Variants in DMD observed in about 807,000 individuals in gnomAD.
The protein encoded by DMD is dystrophin.
Under a neutral mutation model 330.1 loss-of-function variants are expected in DMD, and 63 were observed. The ratio of observed to expected loss-of-function variants is 0.19; its 90% CI spans 0.16 to 0.24. The LOEUF (loss-of-function observed/expected upper bound fraction) is 0.24. Ranked by LOEUF, DMD falls within the 10% of genes least tolerant of loss-of-function variation. DMD has a pLI of 1.00. For synonymous variants in DMD, 1,223 were observed against 959.8 expected, an observed-to-expected ratio of 1.27 and a Z score of -5.07; for missense variants, 3,344 against 2,684.1, an observed-to-expected ratio of 1.25 and a Z score of -5.43.
rs187746090 is a variant in DMD, at chrX:32,196,712, A to G, written c.6438+20204T>C. Among the ~76,000 whole-genome samples, 803 of 111,023 alleles carry G rather than the reference A, an allele frequency of 7.2e-3. 3 individuals carry two copies. Among genetic ancestry groups the G allele is most frequent in the African/African-American group, 0.022 (666 of 30,560 alleles). On this transcript the variant is annotated intron_variant, in intron 44 of 78. Coordinates refer to ENST00000357033, the MANE Select transcript of DMD (RefSeq NM_004006.3). ...GATAAAACAAGACAGGTGGCCTGGC[A>G]CGGTGGCTCACGCCTGTAATCCCAG...
chrX:32,876,975 C>T (rs1041400807), intron 2 of DMD, among the ~76,000 whole-genome samples: 5 of 112,060 alleles, frequency 4.5e-5, no homozygotes, highest in Non-Finnish European at 5.6e-5. Context: ...AATACCATTG[C>T]CAATTAAAAT....
At chrX:33,327,210 G>C (rs1236055105) in intron 1 of DMD, among the ~76,000 whole-genome samples, 1 of 111,560 alleles carries the variant, frequency 9.0e-6, no homozygotes, top group Non-Finnish European at 1.9e-5. Flanking sequence ...AAGTACTATT[G>C]AGTATCTACT....
At chrX:32,292,702 A>C (rs2097478363) in intron 42 of DMD, among the ~76,000 whole-genome samples, 1 of 112,026 alleles carries the variant, frequency 8.9e-6, no homozygotes, top group Non-Finnish European at 1.9e-5. Context: ...GCTCTGAAGA[A>C]AACTTCACAA....
intron 7 of DMD, among the ~76,000 whole-genome samples, chrX:32,772,514 T>C (rs960380109): frequency 8.9e-6 from 1 of 112,460 alleles, no homozygotes; most frequent in African/African-American, 3.2e-5. Context: ...ATGAGGAAAC[T>C]GACGAACTAA....
chrX:32,690,007 G>C (rs1459458302), intron 9 of DMD, among the ~76,000 whole-genome samples: 1 of 109,997 alleles, frequency 9.1e-6, no homozygotes, highest in Non-Finnish European at 1.9e-5. Context: ...AACAAGGTAA[G>C]TATGCCCATT....
rs542946209 is a variant in DMD, at chrX:32,645,657, T to C, written c.961-505A>G. On this transcript the variant is annotated intron_variant, in intron 9 of 78. Transcript: ENST00000357033. ...AGGTAGGGGAAAGGAAGGCAAAATT[T>C]AGAAAGAAAAAAAATACCTCACCCA... is the stretch of plus-strand genomic sequence containing the variant. Among the ~76,000 whole-genome samples, 308 of 111,107 alleles carry C rather than the reference T, an allele frequency of 2.8e-3. 2 individuals are homozygous for C. The highest frequency in any genetic ancestry group is 8.6e-3 in the African/African-American group (264 of 30,598).
At chrX:31,401,532 T>C (rs58502991) in intron 60 of DMD, among the ~76,000 whole-genome samples, 11,005 of 111,131 alleles carry the variant, frequency 0.099, 592 homozygotes, top group East Asian at 0.39. Flanking sequence ...ATAAATGATC[T>C]CATTTAATTC....
chrX:33,060,837 CAAAAAAA>C (rs5902049), intron 1 of DMD, among the ~76,000 whole-genome samples: 1 of 62,945 alleles, frequency 1.6e-5, no homozygotes, highest in African/African-American at 5.3e-5. Context: ...AACTTCATTT[CAAAAAAA>C]AAAAAAAAAA....
intron 26 of DMD, among the ~76,000 whole-genome samples, chrX:32,453,870 C>T (rs1212123793): frequency 9.0e-6 from 1 of 111,088 alleles, no homozygotes; most frequent in Admixed American, 9.6e-5. Flanking sequence ...AAGTCATTCT[C>T]TAAGTTCTTG....
rs369163531 is a variant in DMD, at chrX:33,259,341, T to C, written c.7+79918A>G. On this transcript the variant is annotated intron_variant, in intron 1 of 17. Transcript: ENST00000288447. ...TTGATACAATGTCAGCCAAAGTCCA[T>C]AGATTACATTAGGTTTCACTCAGTG... Among the ~76,000 whole-genome samples, 4 of 109,922 alleles carry C rather than the reference T, an allele frequency of 3.6e-5. No homozygotes were observed. In the East Asian group the frequency reaches 1.2e-3, roughly 32 times the overall value.
At chrX:32,038,235 C>T (rs2095967121) in intron 44 of DMD, among the ~76,000 whole-genome samples, 1 of 111,766 alleles carries the variant, frequency 8.9e-6, no homozygotes, top group Non-Finnish European at 1.9e-5. Context: ...GATCTATCGA[C>T]TGCCTTAAGC....
intron 41 of DMD, among the ~76,000 whole-genome samples, chrX:32,312,052 C>T (rs1457451274): frequency 9.0e-6 from 1 of 111,658 alleles, no homozygotes; most frequent in Non-Finnish European, 1.9e-5. Flanking sequence ...GCAATTAAAT[C>T]TGCCTTTAAT....
At chrX:32,292,769 A>G (rs2148486843) in intron 42 of DMD, among the ~76,000 whole-genome samples, 1 of 112,145 alleles carries the variant, frequency 8.9e-6, no homozygotes, top group East Asian at 2.8e-4. Flanking sequence ...TTTCTGCCTT[A>G]TTCTAAGATT....
At chrX:32,916,532 G>A (rs2087822435) in intron 2 of DMD, among the ~76,000 whole-genome samples, 1 of 111,416 alleles carries the variant, frequency 9.0e-6, no homozygotes, top group Admixed American at 9.6e-5. Flanking sequence ...TACCATAAAT[G>A]AGTAAGAACA....
chrX:31,121,198 TTATCTATA>T lies in DMD; in HGVS notation c.*713_*720del, dbSNP rs1361503086. ...TCAGTCTATAGAAATTCGTATCTCT[TTATCTATA>T]TAACTATAGTATTTATATACTTATA... is the stretch of plus-strand genomic sequence containing the variant. On this transcript the variant is annotated 3_prime_UTR_variant, in exon 79 of 79. Transcript: ENST00000357033. The T allele has an allele frequency of 4.5e-5, 5 of 111,801 alleles. No homozygotes were observed. In the East Asian group the frequency reaches 1.4e-3, roughly 31 times the overall value. 9.2% of individuals were successfully genotyped at this position (111,801 alleles called of 1,213,427 possible). A position where few individuals can be genotyped will look rare whatever the true frequency, so the allele number is the denominator to read the frequency against.
At chrX:31,442,545 TAA>T (rs5901985) in intron 60 of DMD, among the ~76,000 whole-genome samples, 11,469 of 102,133 alleles carry the variant, frequency 0.11, 562 homozygotes, top group East Asian at 0.3. Context: ...TAGCATTGAT[TAA>T]AAAAAAAAAA....
intron 37 of DMD, among the ~76,000 whole-genome samples, chrX:32,352,007 G>C (rs918129874): frequency 7.2e-5 from 8 of 110,845 alleles, no homozygotes; most frequent in Non-Finnish European, 1.5e-4. Context: ...AAAAAAATTA[G>C]GAAGATTAAG....
rs780028344 is a variant in DMD at position 33,123,725 on chromosome X, G to GTT, written c.31+87555_31+87556dup. ...GAGCCACCACGCCCGGTTCAAATGA[G>GTT]TTTTTTTTTTTTTTTTTCAGTCCAA... On this transcript the variant is annotated intron_variant, in intron 1 of 78. Transcript: ENST00000357033. 5.0e-3 allele frequency among the ~76,000 whole-genome samples: 433 copies of GTT among 85,830 alleles called. 3 individuals are homozygous for GTT. Among genetic ancestry groups the GTT allele is most frequent in the African/African-American group, 0.014 (351 of 24,345 alleles). 74.5% of individuals were successfully genotyped at this position (85,830 alleles called of 115,157 possible).
At position 32,297,089 on chromosome X, in the gene DMD, T is replaced by A. The variant is rs555883281; in HGVS notation, c.6118-9388A>T. On this transcript the variant is annotated intron_variant, in intron 42 of 78. Transcript: ENST00000357033. The stretch of plus-strand genomic sequence containing the variant: ...AGGATTCAGTACAGTTAGGCACAGT[T>A]TTCATCATACAGACCTAGCCACACT... Among the ~76,000 whole-genome samples, 26 of 110,703 alleles carry A rather than the reference T, an allele frequency of 2.3e-4. No individual in the cohort carries two copies. The South Asian group carries it at 0.01, about 43-fold the overall frequency.
Sources: allele counts gnomAD v4.1 joint callset (sites outside exome capture counted in the v4.1 genomes callset), GRCh38; gene constraint gnomAD v4.1.1; transcripts MANE v1.5; gene names NCBI Gene and HGNC (gene_info 2026-07-23, HGNC 2026-07-21).